Variants in C4orf50 observed in about 807,000 individuals in gnomAD.
The protein encoded by C4orf50 is chromosome 4 open reading frame 50.
A neutral mutation model predicts 77.2 loss-of-function variants in C4orf50; 80 were observed. That is an observed-to-expected ratio of 1.04 (90% CI 0.87 to 1.25). The LOEUF (loss-of-function observed/expected upper bound fraction) is 1.25. C4orf50 is among the 50% of genes most tolerant of loss of function. The pLI is 0.00. For missense variants in C4orf50, 1,257 were observed against 1,152.9 expected (o/e 1.09, Z -1.31); for synonymous variants, 532 against 465.3 (o/e 1.14, Z -1.84).
intron 7 of C4orf50, among the ~76,000 whole-genome samples, chr4:5,929,327 T>A (rs570953330): frequency 6.6e-6 from 1 of 152,334 alleles, no homozygotes; most frequent in Non-Finnish European, 1.5e-5. Flanking sequence ...GAAGCCCATA[T>A]CTGCATCGGT....
intron 30 of C4orf50, among the ~76,000 whole-genome samples, chr4:5,974,378 G>A (rs1353888775): frequency 3.9e-5 from 6 of 152,278 alleles, no homozygotes; most frequent in African/African-American, 7.2e-5. Flanking sequence ...CTCACCGTCC[G>A]CTCTGCACCT....
At chr4:6,005,688 T>C (rs1213019487) in intron 25 of C4orf50, among the ~76,000 whole-genome samples, 1 of 152,154 alleles carries the variant, frequency 6.6e-6, no homozygotes, top group Non-Finnish European at 1.5e-5. Flanking sequence ...CACAAGGCTG[T>C]CCTAAGGATT....
At chr4:5,948,434 G>A (rs1198076111) in intron 7 of C4orf50, among the ~76,000 whole-genome samples, 1 of 152,216 alleles carries the variant, frequency 6.6e-6, no homozygotes, top group Non-Finnish European at 1.5e-5. Flanking sequence ...GGAGGCCGAG[G>A]TGGGTGGGTC....
At chr4:5,989,770 A>G (rs1303515333) in exon 28 of C4orf50, 6 of 1,528,674 alleles carry the variant, frequency 3.9e-6, no homozygotes, top group Non-Finnish European at 5.3e-6. Context: ...AAAGAAAAGC[A>G]TTTCCTTGCT....
At chr4:5,938,902 C>T (rs989726087) in intron 7 of C4orf50, among the ~76,000 whole-genome samples, 3 of 152,064 alleles carry the variant, frequency 2.0e-5, no homozygotes, top group Non-Finnish European at 2.9e-5. Context: ...CATCAAATAG[C>T]TTGCCTTCCT....
At chr4:5,984,216 A>G (rs1470061199) in intron 28 of C4orf50, among the ~76,000 whole-genome samples, 1 of 152,246 alleles carries the variant, frequency 6.6e-6, no homozygotes, top group Non-Finnish European at 1.5e-5. Context: ...AAATTCACTC[A>G]ACATTCTTTG....
intron 28 of C4orf50, among the ~76,000 whole-genome samples, chr4:5,986,606 T>C (rs1409383417): frequency 6.6e-6 from 1 of 150,730 alleles, no homozygotes; most frequent in Non-Finnish European, 1.5e-5. Flanking sequence ...TGGCACAATC[T>C]CGGCTCACTG....
At chr4:5,942,683 G>A (rs924915111) in intron 7 of C4orf50, among the ~76,000 whole-genome samples, 52 of 152,180 alleles carry the variant, frequency 3.4e-4, no homozygotes, top group Admixed American at 6.5e-5. Flanking sequence ...ATTTTATTTA[G>A]GAAGAAATGG....
At position 6,017,853 on chromosome 4, in the gene C4orf50, A is replaced by C. The variant is rs1268946847; in HGVS notation, c.287+292T>G. Among the ~76,000 whole-genome samples the C allele has an allele frequency of 2.0e-5, 3 of 152,298 alleles. No individual in the cohort carries two copies. Among genetic ancestry groups the C allele is most frequent in the Non-Finnish European group, 4.4e-5 (3 of 68,014 alleles). On this transcript the variant is annotated intron_variant, in intron 23 of 33. Transcript: ENST00000531445. This position sits in a 1 kb window ranked among gnomAD's most constrained non-coding sequence, Gnocchi z 4.7. The stretch of plus-strand genomic sequence containing the variant: ...ATGGAACAGTCACCCAGAGAAGAAG[A>C]GAGGGAGAACACCTGGCTTCTCCCT...
intron 32 of C4orf50, among the ~76,000 whole-genome samples, chr4:5,966,027 G>A (rs1560569151): frequency 6.6e-6 from 1 of 152,214 alleles, no homozygotes; most frequent in South Asian, 2.1e-4. Flanking sequence ...ATCCTTGGGA[G>A]CCCCATCCCG....
intron 23 of C4orf50, among the ~76,000 whole-genome samples, chr4:6,016,141 A>G (rs1243999700): frequency 6.6e-6 from 1 of 152,120 alleles, no homozygotes; most frequent in Non-Finnish European, 1.5e-5. Context: ...ATTTATTTCA[A>G]TGTTTAACAT....
chr4:5,965,693 A>T (rs1719527777), intron 32 of C4orf50, among the ~76,000 whole-genome samples: 1 of 152,174 alleles, frequency 6.6e-6, no homozygotes, highest in Non-Finnish European at 1.5e-5. Flanking sequence ...GGCTGTAGGT[A>T]CAGAAGGCCA....
intron 32 of C4orf50, among the ~76,000 whole-genome samples, chr4:5,966,481 A>T (rs1167840862): frequency 1.3e-5 from 2 of 151,874 alleles, no homozygotes; most frequent in Non-Finnish European, 2.9e-5. Flanking sequence ...TCTCAAAAAT[A>T]AATAAATAAA....
rs1451786637 is a variant in C4orf50, at chr4:6,009,560, G to T, written c.427-1028C>A. Among the ~76,000 whole-genome samples the T allele has an allele frequency of 2.0e-5, 3 of 152,170 alleles. No individual in the cohort carries two copies. Among genetic ancestry groups the T allele is most frequent in the East Asian group, 1.9e-4 (1 of 5,192 alleles). ...AGGCGTGTATTCTGTAATGATCTTT[G>T]CATGGTGCCCGGTGGAGGGATTTCA... On this transcript the variant is annotated intron_variant, in intron 24 of 33. Coordinates refer to ENST00000531445, the Ensembl canonical transcript of C4orf50. This position sits in a 1 kb window ranked among gnomAD's most constrained non-coding sequence, Gnocchi z 5.6.
exon 34 of C4orf50, chr4:5,959,129 G>T: frequency 4.0e-6 from 2 of 503,454 alleles, no homozygotes; most frequent in Non-Finnish European, 7.2e-6. Flanking sequence ...AATAGGTTTT[G>T]GTACAGTAAA....
In C4orf50 at chr4:6,008,315, G is replaced by C; in HGVS notation, c.644C>G (p.Ala215Gly). The change falls in exon 25 of 34, where the codon GCC (alanine) becomes GGC (glycine). Residue 215 changes from alanine (A) to glycine (G), a missense_variant. Ala to Gly is a moderately conservative substitution (Grantham distance 60, BLOSUM62 0). Coordinates refer to ENST00000531445, the Ensembl canonical transcript of C4orf50. The surrounding 1 kb of genome is among the most constrained non-coding windows in gnomAD (Gnocchi z 6.0). ...CCACTGGGCCAGCAGGAGGCCCGCG[G>C]CGCGGCAGAGGCGCCGCACGTTGCG... 1 of 388,616 alleles carries C rather than the reference G, an allele frequency of 2.6e-6. No homozygotes were observed. 24.1% of individuals were successfully genotyped at this position (388,616 alleles called of 1,614,324 possible).
At chr4:5,931,212 T>C (rs1217803283) in intron 7 of C4orf50, among the ~76,000 whole-genome samples, 2 of 152,094 alleles carry the variant, frequency 1.3e-5, no homozygotes, top group Non-Finnish European at 2.9e-5. Context: ...CCAGGCTACT[T>C]GGCTGGTGTG....
chr4:5,999,699 C>T (rs966217062), intron 25 of C4orf50, among the ~76,000 whole-genome samples: 2 of 152,186 alleles, frequency 1.3e-5, no homozygotes, highest in Non-Finnish European at 2.9e-5. Flanking sequence ...GAGGGGCACA[C>T]AGCTGAGGGA....
At chr4:5,925,804 G>A (rs1470097392) in intron 7 of C4orf50, among the ~76,000 whole-genome samples, 1 of 152,240 alleles carries the variant, frequency 6.6e-6, no homozygotes, top group Non-Finnish European at 1.5e-5. Context: ...CCAGGCCTGG[G>A]ACCCACCCTT....
Sources: gnomAD v4.1 joint callset for allele counts (sites outside exome capture counted in the v4.1 genomes callset) on GRCh38, gnomAD v4.1.1 for gene constraint, Gnocchi (gnomAD v3.1) non-coding constraint, MANE v1.5 for transcripts, NCBI Gene and HGNC (gene_info 2026-07-23, HGNC 2026-07-21) for gene names.